SEC23B: variants seen among roughly 807,000 people sequenced by gnomAD.
SEC23B encodes protein transport protein Sec23B.
In SEC23B, 77 loss-of-function variants were observed where a neutral mutation model predicts 104.3. The observed-to-expected ratio is 0.74, with a 90% CI of 0.61 to 0.89. The LOEUF is 0.89. SEC23B is among the 40% of genes least tolerant of loss of function. The pLI is 0.00. For synonymous variants in SEC23B, 338 were observed against 332.5 expected, an observed-to-expected ratio of 1.02 and a Z score of -0.18; for missense variants, 885 against 949.4, an observed-to-expected ratio of 0.93 and a Z score of 0.89.
chr20:18,509,545 C>G (rs1310395231), intron 1 of SEC23B: 2 of 152,052 alleles, frequency 1.3e-5, no homozygotes, highest in African/African-American at 2.4e-5. Context: ...AAGTTGGGAT[C>G]ATCTGGGTTT....
chr20:18,534,755 G>A (rs540235589), intron 11 of SEC23B, among the ~76,000 whole-genome samples: 29 of 152,206 alleles, frequency 1.9e-4, no homozygotes, highest in Non-Finnish European at 1.2e-4. Context: ...TGTCTTTATC[G>A]TTTCTCCAAT....
chr20:18,548,303 C>G (rs1373012798), intron 15 of SEC23B, among the ~76,000 whole-genome samples: 2 of 152,182 alleles, frequency 1.3e-5, no homozygotes, highest in Non-Finnish European at 1.5e-5. Flanking sequence ...ACACACATAA[C>G]AAAATTTACC....
At chr20:18,559,610 C>T (rs1437697484) in intron 19 of SEC23B, among the ~76,000 whole-genome samples, 2 of 152,154 alleles carry the variant, frequency 1.3e-5, no homozygotes, top group Admixed American at 6.5e-5. Context: ...TGGTTATTAT[C>T]TAAGATTGTT....
At chr20:18,540,558 C>G (rs568145501) in intron 12 of SEC23B, among the ~76,000 whole-genome samples, 2 of 152,120 alleles carry the variant, frequency 1.3e-5, no homozygotes, top group Non-Finnish European at 2.9e-5. Context: ...TTGGCTTCAA[C>G]TTAAAGTCAC....
chr20:18,531,377 C>CCA (rs2060185179), intron 10 of SEC23B, among the ~76,000 whole-genome samples: 1 of 152,190 alleles, frequency 6.6e-6, no homozygotes, highest in Admixed American at 6.5e-5. Flanking sequence ...TAGCACTGGG[C>CCA]CAGGCATGGT....
chr20:18,526,738 G>T (rs753301757), intron 8 of SEC23B, among the ~76,000 whole-genome samples: 2 of 151,962 alleles, frequency 1.3e-5, no homozygotes, highest in Non-Finnish European at 2.9e-5. Flanking sequence ...CTACTCAAAG[G>T]GTTTTGAGAA....
intron 17 of SEC23B, among the ~76,000 whole-genome samples, chr20:18,552,073 C>A (rs1444805548): frequency 6.6e-6 from 1 of 152,112 alleles, no homozygotes; most frequent in Non-Finnish European, 1.5e-5. Flanking sequence ...GGCAAAAAAT[C>A]CTTTAATGAA....
At chr20:18,532,594 T>C (rs1390174290) in intron 10 of SEC23B, 70 bp from the exon 11 acceptor site, 2 of 1,072,880 alleles carry the variant, frequency 1.9e-6, no homozygotes, top group Non-Finnish European at 2.9e-6. Context: ...TAAGCTTTCA[T>C]TGTGGCCATG....
intron 8 of SEC23B, among the ~76,000 whole-genome samples, chr20:18,526,833 G>A (rs111781832): frequency 7.9e-5 from 12 of 152,218 alleles, no homozygotes; most frequent in Admixed American, 1.3e-4. Context: ...TAATCCCAGC[G>A]CTTTGGGAGG....
At chr20:18,507,815 C>T (rs1250578932), upstream of SEC23B, 2 of 152,398 alleles carry the variant, frequency 1.3e-5, no homozygotes, top group African/African-American at 2.4e-5. Flanking sequence ...CTCTCGCTTC[C>T]TCCAGTCCGT....
At chr20:18,519,061 A>G (rs939318685) in intron 4 of SEC23B, among the ~76,000 whole-genome samples, 2 of 152,200 alleles carry the variant, frequency 1.3e-5, no homozygotes, top group African/African-American at 4.8e-5. Flanking sequence ...GGTAGCCTCA[A>G]TGATAGATGT....
intron 14 of SEC23B, 126 bp downstream of exon 14, chr20:18,543,298 G>A: frequency 8.7e-7 from 1 of 1,145,798 alleles, no homozygotes; most frequent in Non-Finnish European, 1.3e-6. Flanking sequence ...ACCTTATGCT[G>A]CACGCTGGAC....
At chr20:18,546,903 G>GTTTTT (rs58809009) in intron 15 of SEC23B, among the ~76,000 whole-genome samples, 1 of 115,516 alleles carries the variant, frequency 8.7e-6, no homozygotes, top group African/African-American at 3.4e-5. Flanking sequence ...GTGGTTTGCA[G>GTTTTT]TTTTTTTTTT....
intron 8 of SEC23B, among the ~76,000 whole-genome samples, chr20:18,527,154 T>C (rs1418176052): frequency 1.3e-5 from 2 of 152,186 alleles, no homozygotes; most frequent in African/African-American, 4.8e-5. Context: ...GAGGCAGAGG[T>C]TGCAGTGAGC....
At position 18,511,339 on chromosome 20, in the gene SEC23B, G is replaced by A. The variant is rs547145085; in HGVS notation, c.221+283G>A. Among the ~76,000 whole-genome samples the A allele has an allele frequency of 3.0e-3, 462 of 152,186 alleles. 3 individuals are homozygous for A. The highest frequency in any genetic ancestry group is 0.011 in the African/African-American group (446 of 41,512). ...TTTTTTTTTGGCTGATAATCAGTTT[G>A]CTTTTGGCTTAACTGTAGACTTTAT... On this transcript the variant is annotated intron_variant, in intron 2 of 19. Transcript: ENST00000650089.
Position 18,551,083 on chromosome 20 carries a change from C to T in SEC23B, c.1906-6C>T. ...CAATGCCATCTTTCTCTCTCTTTTT[C>T]TTCAGCCAGTACTCTTGGATAGCAG... On this transcript the variant is annotated splice_region_variant and splice_polypyrimidine_tract_variant and intron_variant, in intron 16 of 19. Coordinates refer to ENST00000650089, the MANE Select transcript of SEC23B (RefSeq NM_006363.6). 6.3e-7 allele frequency: 1 copy of T among 1,593,728 alleles called. No individual in the cohort carries two copies. The highest frequency in any genetic ancestry group is 8.6e-7 in the Non-Finnish European group (1 of 1,167,726).
At chr20:18,550,449 G>A (rs957563796) in intron 16 of SEC23B, among the ~76,000 whole-genome samples, 1 of 152,022 alleles carries the variant, frequency 6.6e-6, no homozygotes, top group East Asian at 1.9e-4. Flanking sequence ...GAGCCACTAC[G>A]CCCAGCCATA....
intron 2 of SEC23B, among the ~76,000 whole-genome samples, chr20:18,511,721 T>G (rs1285852898): frequency 3.9e-5 from 6 of 152,204 alleles, no homozygotes; most frequent in African/African-American, 1.4e-4. Context: ...GAAAAGTAAC[T>G]GAAGCATTAT....
chr20:18,510,326 A>C (rs1327097075), intron 1 of SEC23B, among the ~76,000 whole-genome samples: 1 of 152,182 alleles, frequency 6.6e-6, no homozygotes, highest in East Asian at 1.9e-4. Flanking sequence ...CACTCCTTTG[A>C]TTTATTTTTA....
Sources: allele counts gnomAD v4.1 joint callset (sites outside exome capture counted in the v4.1 genomes callset), GRCh38; gene constraint gnomAD v4.1.1; transcripts MANE v1.5; gene names NCBI Gene and HGNC (gene_info 2026-07-23, HGNC 2026-07-21).